The following PDE8B variants were observed in gnomAD, a reference collection of about 807,000 sequenced individuals.
The protein encoded by PDE8B is high affinity cAMP-specific and IBMX-insensitive 3',5'-cyclic phosphodiesterase 8B.
Under a neutral mutation model 101.3 loss-of-function variants are expected in PDE8B, and 26 were observed. The ratio of observed to expected loss-of-function variants is 0.26; its 90% confidence interval spans 0.19 to 0.36. PDE8B has a LOEUF of 0.36. Among genes scored for constraint, PDE8B ranks in the 10% least tolerant of loss-of-function variants. PDE8B has a pLI of 1.00. For synonymous variants in PDE8B, 424 were observed against 429.3 expected, an observed-to-expected ratio of 0.99 and a Z score of 0.15; for missense variants, 810 against 1,163.1, an observed-to-expected ratio of 0.70 and a Z score of 4.42.
At chr5:77,421,037 A>G (rs1796532532) in intron 19 of PDE8B, among the ~76,000 whole-genome samples, 1 of 152,224 alleles carries the variant, frequency 6.6e-6, no homozygotes, top group Admixed American at 6.5e-5. Flanking sequence ...AAAGTGGAGA[A>G]TAACAATCTT....
the PDE8B span, among the ~76,000 whole-genome samples, chr5:77,116,629 A>C: frequency 6.6e-6 from 1 of 152,242 alleles, no homozygotes; most frequent in East Asian, 1.9e-4. Context: ...TATATTGTAC[A>C]GTAAAGTAAA....
At chr5:77,111,005 T>A in the PDE8B span, among the ~76,000 whole-genome samples, 12 of 152,320 alleles carry the variant, frequency 7.9e-5, no homozygotes, top group African/African-American at 2.6e-4. Context: ...AGGACTCAAC[T>A]TGAGAAAGGG....
At position 77,420,698 on chromosome 5, in the gene PDE8B, A is replaced by C. The variant is rs1217789199; in HGVS notation, c.2250+811A>C. 2.0e-5 allele frequency among the ~76,000 whole-genome samples: 3 copies of C among 152,114 alleles called. No homozygotes were observed. The East Asian group carries it at 5.8e-4, about 29-fold the overall frequency. On this transcript the variant is annotated intron_variant, in intron 19 of 21. Transcript: ENST00000264917. ...CTTCCCCCAGGGATTCCACAGCACA[A>C]CACCAGAGCCCTCTCCTTCCACAGA...
At chr5:77,312,812 G>T (rs972457945) in intron 2 of PDE8B, among the ~76,000 whole-genome samples, 8 of 144,638 alleles carry the variant, frequency 5.5e-5, no homozygotes, top group Non-Finnish European at 9.5e-5. Flanking sequence ...ATGATAAAAT[G>T]CTCCCCTACA....
At chr5:77,100,957 T>G in the PDE8B span, among the ~76,000 whole-genome samples, 2 of 147,990 alleles carry the variant, frequency 1.4e-5, no homozygotes, top group Non-Finnish European at 3.0e-5. Context: ...ATCTAAAAAT[T>G]TTTTTTCCTT....
intron 1 of PDE8B, among the ~76,000 whole-genome samples, chr5:77,261,512 A>T (rs576661334): frequency 1.5e-4 from 23 of 152,370 alleles, no homozygotes; most frequent in African/African-American, 5.5e-4. Flanking sequence ...GTTTCTAATT[A>T]ATCACTAGCA....
At chr5:77,149,827 T>C in the PDE8B span, among the ~76,000 whole-genome samples, 1 of 152,238 alleles carries the variant, frequency 6.6e-6, no homozygotes, top group Non-Finnish European at 1.5e-5. Flanking sequence ...CTTCCTTTAC[T>C]CTCAGTCTGC....
the PDE8B span, among the ~76,000 whole-genome samples, chr5:77,167,123 C>G: frequency 1.3e-5 from 2 of 152,284 alleles, no homozygotes; most frequent in African/African-American, 4.8e-5. Context: ...GAAGAGACTC[C>G]ACAACTCTCC....
the PDE8B span, among the ~76,000 whole-genome samples, chr5:77,151,739 C>T: frequency 2.6e-5 from 4 of 152,212 alleles, no homozygotes; most frequent in Admixed American, 6.5e-5. Context: ...AGACAGCTCA[C>T]TTCACCACCA....
intron 1 of PDE8B, among the ~76,000 whole-genome samples, chr5:77,288,333 C>T (rs900577419): frequency 1.7e-4 from 26 of 152,316 alleles, no homozygotes; most frequent in African/African-American, 6.3e-4. Flanking sequence ...CTGGAATTGT[C>T]AGTGGCCTTC....
chr5:77,126,159 A>G, the PDE8B span, among the ~76,000 whole-genome samples: 1 of 151,942 alleles, frequency 6.6e-6, no homozygotes, highest in African/African-American at 2.4e-5. Context: ...GGTGGTGGGC[A>G]CCTTTAGTCC....
At chr5:77,388,592 G>T (rs969186751) in intron 10 of PDE8B, among the ~76,000 whole-genome samples, 5 of 152,206 alleles carry the variant, frequency 3.3e-5, no homozygotes, top group African/African-American at 1.2e-4. Flanking sequence ...AGCAGAGCTT[G>T]CACGCTGTGC....
intron 12 of PDE8B, among the ~76,000 whole-genome samples, chr5:77,406,901 C>G (rs1253172043): frequency 2.0e-5 from 3 of 152,182 alleles, no homozygotes; most frequent in Non-Finnish European, 4.4e-5. Context: ...AGTGACTGGC[C>G]CTAATTCAGA....
At chr5:77,329,128 G>C in intron 4 of PDE8B, 71 bp downstream of exon 4, 1 of 1,273,398 alleles carries the variant, frequency 7.9e-7, no homozygotes, top group South Asian at 1.2e-5. Context: ...ATGTAATCTG[G>C]TTTTTGAGCT....
At chr5:77,240,716 T>G (rs1580510197) in intron 1 of PDE8B, among the ~76,000 whole-genome samples, 2 of 152,230 alleles carry the variant, frequency 1.3e-5, no homozygotes, top group African/African-American at 4.8e-5. Flanking sequence ...AGCTGACAAT[T>G]ATTCAGTACC....
chr5:77,329,225 C>T (rs988553384), intron 4 of PDE8B, among the ~76,000 whole-genome samples, 168 bp downstream of exon 4: 8 of 152,112 alleles, frequency 5.3e-5, no homozygotes, highest in Non-Finnish European at 1.2e-4. Flanking sequence ...TTCACAAGTT[C>T]CTGGAAATAT....
intron 1 of PDE8B, among the ~76,000 whole-genome samples, chr5:77,285,795 G>A (rs945630715): frequency 4.0e-5 from 6 of 151,536 alleles, no homozygotes; most frequent in African/African-American, 1.5e-4. Flanking sequence ...CTTTTTCTCT[G>A]TTCTTCAGAT....
chr5:77,168,464 C>G, the PDE8B span, among the ~76,000 whole-genome samples: 1 of 152,194 alleles, frequency 6.6e-6, no homozygotes, highest in Admixed American at 6.5e-5. Flanking sequence ...ACTGCCTGTG[C>G]AGGGGCTGCT....
At chr5:77,123,537 C>T in the PDE8B span, among the ~76,000 whole-genome samples, 2 of 152,008 alleles carry the variant, frequency 1.3e-5, no homozygotes, top group African/African-American at 2.4e-5. Context: ...GTGGGTAGAT[C>T]GCTTGAGCCC....
Sources: gnomAD v4.1 joint callset for allele counts (sites outside exome capture counted in the v4.1 genomes callset) on GRCh38, gnomAD v4.1.1 for gene constraint, MANE v1.5 for transcripts, NCBI Gene and HGNC (gene_info 2026-07-23, HGNC 2026-07-21) for gene names.